The following ZNF658 variants were observed in gnomAD, a reference collection of about 807,000 sequenced individuals.
The protein encoded by ZNF658 is zinc finger protein 658.
In ZNF658, 46 loss-of-function variants were observed where a neutral mutation model predicts 78.0. The observed-to-expected ratio is 0.59, with a 90% confidence interval of 0.47 to 0.75. The LOEUF (loss-of-function observed/expected upper bound fraction) is 0.75, where lower values mean the gene tolerates loss of function less well. Ranked by LOEUF, ZNF658 falls within the 30% of genes least tolerant of loss-of-function variation. ZNF658 has a pLI of 0.00. For synonymous variants in ZNF658, 279 were observed against 408.4 expected, an observed-to-expected ratio of 0.68 and a Z score of 3.82; for missense variants, 785 against 1,189.3, an observed-to-expected ratio of 0.66 and a Z score of 5.00.
At chr9:66,901,714 G>A (rs1222541697) in intron 1 of ZNF658, among the ~76,000 whole-genome samples, 5 of 152,032 alleles carry the variant, frequency 3.3e-5, no homozygotes, top group Non-Finnish European at 7.4e-5. Context: ...GGAGGCCTAG[G>A]CCAGTGGATC....
At chr9:66,910,026 G>C (rs549771861) in intron 4 of ZNF658, among the ~76,000 whole-genome samples, 4 of 152,214 alleles carry the variant, frequency 2.6e-5, no homozygotes, top group South Asian at 4.1e-4. Context: ...GAATACTCTG[G>C]TGTTTCTTCC....
intron 1 of ZNF658, among the ~76,000 whole-genome samples, chr9:66,901,291 G>T (rs553615641): frequency 6.6e-6 from 1 of 152,238 alleles, no homozygotes; most frequent in South Asian, 2.1e-4. Context: ...GAAAGTTCAT[G>T]GGGATGGGTA....
Position 66,921,377 on chromosome 9 carries a change from G to A in ZNF658, c.*631G>A, listed in dbSNP as rs1297296057. ...GGAAAACCACAAAAACCTTCGTAAA[G>A]TGAATTGCATTAAACATCAATTATA... On this transcript the variant is annotated 3_prime_UTR_variant, in exon 5 of 5. Coordinates refer to ENST00000621410, the MANE Select transcript of ZNF658 (RefSeq NM_033160.7). 1 of 151,732 alleles carries A rather than the reference G, an allele frequency of 6.6e-6. No homozygotes were observed. Among genetic ancestry groups the A allele is most frequent in the African/African-American group, 2.4e-5 (1 of 41,230 alleles). 9.4% of individuals were successfully genotyped at this position (151,732 alleles called of 1,614,324 possible). A position where few individuals can be genotyped will look rare whatever the true frequency, so the allele number is the denominator to read the frequency against.
chr9:66,922,642 T>C (rs534645112), downstream of ZNF658, among the ~76,000 whole-genome samples: 77 of 74,848 alleles, frequency 1.0e-3, no homozygotes, highest in African/African-American at 3.5e-3. Context: ...GAATAGTATA[T>C]GTGAAATGGT....
intron 6 of ZNF658, among the ~76,000 whole-genome samples, chr9:66,931,294 TTGTG>T (rs1233229084): frequency 1.3e-5 from 2 of 149,128 alleles, no homozygotes; most frequent in Non-Finnish European, 3.0e-5. Context: ...TCTTTTGCAT[TTGTG>T]TGTGTGTGTG....
intron 2 of ZNF658, among the ~76,000 whole-genome samples, chr9:66,907,516 A>G (rs1457288395): frequency 2.6e-5 from 4 of 150,998 alleles, no homozygotes; most frequent in African/African-American, 9.8e-5. Flanking sequence ...CTCACCCCTC[A>G]CCCCCAGCCT....
rs1362879440 is a variant in ZNF658, at chr9:66,920,905, G to T, written c.*159G>T. 2.3e-5 allele frequency: 18 copies of T among 780,508 alleles called. No individual in the cohort carries two copies. The highest frequency in any genetic ancestry group is 3.9e-5 in the Non-Finnish European group (18 of 461,824). 48.3% of individuals were successfully genotyped at this position (780,508 alleles called of 1,614,324 possible). A position where few individuals can be genotyped will look rare whatever the true frequency, so the allele number is the denominator to read the frequency against. On this transcript the variant is annotated 3_prime_UTR_variant, in exon 5 of 5. Transcript: ENST00000621410. ...CAGGTGGGGCTGACCATGGGATGTG[G>T]TGCTAATGATAAATATTACATTTAC...
In ZNF658 at chr9:66,918,489, G is replaced by A. The variant is rs1171908679; in HGVS notation, c.923G>A (p.Arg308Lys). The change falls in exon 5 of 5, where the codon AGG (arginine) becomes AAG (lysine). Residue 308 changes from arginine to lysine, a missense_variant. Physicochemically the swap from Arg to Lys is conservative, Grantham distance 26 (BLOSUM62 2). Around this residue, in one of 12 missense-constraint regions of ZNF658, gnomAD observed 393 missense variants for 400.2 expected, o/e 0.98. Coordinates refer to ENST00000621410, the MANE Select transcript of ZNF658 (RefSeq NM_033160.7). ...ECNERGINFSRKSPLTQSQRT... is the reference protein window; with the variant it reads ...ECNERGINFSKKSPLTQSQRT... ...AATGAAAGGGGGATTAATTTCAGTA[G>A]GAAGTCACCCCTCACTCAATCTCAG... is the stretch of plus-strand genomic sequence containing the variant. The A allele has an allele frequency of 6.2e-7, 1 of 1,606,556 alleles. No individual in the cohort carries two copies. Among genetic ancestry groups the A allele is most frequent in the Non-Finnish European group, 8.5e-7 (1 of 1,173,740 alleles).
chr9:66,918,265 T>G lies in ZNF658; in HGVS notation c.699T>G (p.Pro233=), dbSNP rs774904332. ...GLYDKTICIT[P]QSFLTGEKSC... The stretch of plus-strand genomic sequence containing the variant: ...ATGATAAGACAATTTGTATTACACC[T>G]CAGAGTTTTCTAACAGGAGAAAAGT... Residue 233 remains proline (P), a synonymous_variant, in exon 5 of 5, where the codon CCT becomes CCG. Coordinates refer to ENST00000621410, the MANE Select transcript of ZNF658 (RefSeq NM_033160.7). The G allele has an allele frequency of 1.2e-6, 2 of 1,613,088 alleles. No homozygotes were observed. The highest frequency in any genetic ancestry group is 1.7e-5 in the Admixed American group (1 of 59,876).
intron 2 of ZNF658, among the ~76,000 whole-genome samples, chr9:66,905,599 A>G (rs1270255376): frequency 2.8e-5 from 4 of 143,258 alleles, no homozygotes; most frequent in Non-Finnish European, 6.1e-5. Flanking sequence ...TTCTCACTGC[A>G]TAATCTCAGT....
chr9:66,927,262 A>C (rs1290707228), intron 6 of ZNF658, among the ~76,000 whole-genome samples: 1 of 150,502 alleles, frequency 6.6e-6, no homozygotes, highest in East Asian at 2.0e-4. Flanking sequence ...AAAGATGCTC[A>C]GTGTTACTAA....
At chr9:66,914,912 G>C (rs1407151028) in intron 4 of ZNF658, among the ~76,000 whole-genome samples, 1 of 150,540 alleles carries the variant, frequency 6.6e-6, no homozygotes, top group Admixed American at 6.6e-5. Context: ...GGATGAGGCA[G>C]GCCTTATAAA....
chr9:66,902,862 A>T (rs1821984061), intron 1 of ZNF658: 1 of 152,066 alleles, frequency 6.6e-6, no homozygotes. Flanking sequence ...TTTTTTAAAA[A>T]AAATTATTTT....
intron 2 of ZNF658, among the ~76,000 whole-genome samples, chr9:66,904,011 C>T (rs1470880595): frequency 2.6e-5 from 4 of 151,872 alleles, no homozygotes; most frequent in Admixed American, 6.6e-5. Context: ...AATTTGAACA[C>T]GTTCAGTACT....
At chr9:66,901,863 G>C (rs1017341465) in intron 1 of ZNF658, among the ~76,000 whole-genome samples, 5 of 152,044 alleles carry the variant, frequency 3.3e-5, no homozygotes, top group Non-Finnish European at 5.9e-5. Context: ...AGAATCGCTC[G>C]AACCCGAGGC....
In ZNF658 at chr9:66,907,129, T is replaced by C. The variant is rs1309551629; in HGVS notation, c.16-1109T>C. On this transcript the variant is annotated intron_variant, in intron 2 of 4. Transcript: ENST00000621410. The stretch of plus-strand genomic sequence containing the variant: ...CTTTGTGGTTCCTCAGGTGTTGTTT[T>C]TGGTTCTTTTCTTTCTTCAATCCCT... 6.6e-5 allele frequency among the ~76,000 whole-genome samples: 10 copies of C among 151,690 alleles called. 1 individual carries two copies. Among genetic ancestry groups the C allele is most frequent in the Admixed American group, 6.6e-4 (10 of 15,208 alleles).
rs1393504213 is a variant in ZNF658, at chr9:66,908,311, G to A, written c.89G>A (p.Arg30Lys). Residue 30 changes from arginine to lysine, a missense_variant, in exon 3 of 5, where the codon AGG (arginine) becomes AAG (lysine). Arg to Lys is a conservative substitution (Grantham distance 26, BLOSUM62 2). Transcript: ENST00000621410. The part of the protein sequence containing the change: ...EEWQHLGPVE[R>K]TLYRDVMLEN... ...TGGCAGCACCTGGGCCCTGTCGAGA[G>A]GACGCTGTACAGAGATGTGATGCTG... 2 of 1,614,102 alleles carry A rather than the reference G, an allele frequency of 1.2e-6. No homozygotes were observed. The highest frequency in any genetic ancestry group is 1.7e-6 in the Non-Finnish European group (2 of 1,180,002).
intron 2 of ZNF658, among the ~76,000 whole-genome samples, chr9:66,904,588 G>A (rs1822030845): frequency 6.6e-6 from 1 of 151,988 alleles, no homozygotes; most frequent in Non-Finnish European, 1.5e-5. Flanking sequence ...GTAGAATTCA[G>A]TGATTTTTTT....
intron 4 of ZNF658, among the ~76,000 whole-genome samples, chr9:66,910,282 A>C (rs962160677): frequency 6.6e-6 from 1 of 152,106 alleles, no homozygotes; most frequent in Non-Finnish European, 1.5e-5. Flanking sequence ...AAATCTTAAA[A>C]AGTTATAGTT....
Sources: allele counts gnomAD v4.1 joint callset (sites outside exome capture counted in the v4.1 genomes callset), GRCh38; gene constraint gnomAD v4.1.1; regional missense constraint gnomAD v4.1.1; transcripts MANE v1.5; gene names NCBI Gene and HGNC (gene_info 2026-07-23, HGNC 2026-07-21).